The following GCH1 variants were observed in gnomAD, a reference collection of about 807,000 sequenced individuals.
GCH1 encodes the protein GTP cyclohydrolase 1, also known as GTP cyclohydrolase I.
In GCH1, 5 loss-of-function variants were observed where a neutral mutation model predicts 25.9. That is an observed-to-expected ratio of 0.19 (90% CI 0.10 to 0.41). The LOEUF (loss-of-function observed/expected upper bound fraction) is 0.41, where lower values mean the gene tolerates loss of function less well. GCH1 is among the 10% of genes least tolerant of loss of function. GCH1 has a pLI of 1.00. For missense variants in GCH1, 261 were observed against 336.5 expected (o/e 0.78, Z 1.75); for synonymous variants, 159 against 129.6 (o/e 1.23, Z -1.54).
intron 2 of GCH1, among the ~76,000 whole-genome samples, chr14:54,863,880 T>C (rs977014792): frequency 6.6e-6 from 1 of 150,506 alleles, no homozygotes; most frequent in Non-Finnish European, 1.5e-5. Flanking sequence ...TGACAGGGTC[T>C]GGCAGTCTGG....
At chr14:54,880,277 A>G in intron 1 of GCH1, among the ~76,000 whole-genome samples, 1 of 148,998 alleles carries the variant, frequency 6.7e-6, no homozygotes, top group Admixed American at 6.8e-5. Context: ...CAAAATACTA[A>G]GATTTGTCAA....
chr14:54,843,032 G>A lies in GCH1; in HGVS notation c.*985C>T, dbSNP rs556250070. The A allele has an allele frequency of 3.6e-5, 32 of 888,400 alleles. No individual in the cohort carries two copies. The highest frequency in any genetic ancestry group is 1.1e-4 in the South Asian group (8 of 75,576). The allele number at this position is 888,400 out of a possible 1,614,324, so 55.0% of individuals were successfully genotyped here. A position where few individuals can be genotyped will look rare whatever the true frequency, so the allele number is the denominator to read the frequency against. ...GTTCATTCTGTGCTCGTTCAGGTGC[G>A]TGGAAGCTATGGTTCTGCAGACCTG... is the stretch of plus-strand genomic sequence containing the variant. On this transcript the variant is annotated 3_prime_UTR_variant, in exon 6 of 6. Transcript: ENST00000491895.
At chr14:54,867,589 C>CAAAAAAAAAAAAAAAAA (rs1029899399) in intron 1 of GCH1, among the ~76,000 whole-genome samples, 4 of 46,648 alleles carry the variant, frequency 8.6e-5, no homozygotes, top group Non-Finnish European at 1.6e-4. Flanking sequence ...GACTCCGTCT[C>CAAAAAAAAAAAAAAAAA]AAAAAAAAAA....
At chr14:54,874,879 G>A (rs1163554625) in intron 1 of GCH1, among the ~76,000 whole-genome samples, 1 of 152,182 alleles carries the variant, frequency 6.6e-6, no homozygotes. Context: ...ATGCTCATGG[G>A]TGGGAAGAAT....
chr14:54,879,953 C>A (rs28757745), intron 1 of GCH1, among the ~76,000 whole-genome samples: 30,270 of 140,516 alleles, frequency 0.22, 4,521 homozygotes, highest in East Asian at 0.43. Flanking sequence ...CCACAGCACT[C>A]CAGCCTGGGT....
At chr14:54,880,566 CTCCATATATATATACTCCATATATATAT>C in intron 1 of GCH1, among the ~76,000 whole-genome samples, 1 of 51,396 alleles carries the variant, frequency 1.9e-5, no homozygotes, top group African/African-American at 1.2e-4. Context: ...TATATATATA[CTCCATATATATATACTCCATATATATAT>C]ACTCCATATA....
Position 54,902,324 on chromosome 14 carries a change from A to G in GCH1, c.340T>C (p.Ser114Pro). Residue 114 changes from serine to proline, a missense_variant, in exon 1 of 6, where the codon TCA (serine) becomes CCA (proline). Ser to Pro is a moderately conservative substitution (Grantham distance 74, BLOSUM62 -1). Transcript: ENST00000491895. The stretch of plus-strand genomic sequence containing the variant: ...AGCAGCCCGCGGGCGCACTGACCTG[A>G]GATGGTCTCCTGGTAGCCCTTGGTG... ...FFTKGYQETI[S>P]DVLNDAIFDE... 6.2e-7 allele frequency: 1 copy of G among 1,612,242 alleles called. No individual in the cohort carries two copies. Among genetic ancestry groups the G allele is most frequent in the South Asian group, 1.1e-5 (1 of 91,036 alleles).
At chr14:54,859,016 G>A (rs146954144) in intron 3 of GCH1, among the ~76,000 whole-genome samples, 2 of 152,364 alleles carry the variant, frequency 1.3e-5, no homozygotes, top group African/African-American at 2.4e-5. Context: ...AAATGAGAGC[G>A]AGGAGCGTGA....
chr14:54,863,390 C>T (rs1319268669), intron 2 of GCH1, among the ~76,000 whole-genome samples: 1 of 119,506 alleles, frequency 8.4e-6, no homozygotes, highest in Non-Finnish European at 1.6e-5. Flanking sequence ...CCACTGCAAT[C>T]TAGCCTGGGC....
intron 3 of GCH1, among the ~76,000 whole-genome samples, chr14:54,852,037 G>A (rs557098422): frequency 1.3e-4 from 20 of 152,240 alleles, no homozygotes; most frequent in Non-Finnish European, 2.8e-4. Flanking sequence ...TGATCTGCCC[G>A]CCTTGGCCTC....
At chr14:54,875,993 T>C (rs1174620103) in intron 1 of GCH1, among the ~76,000 whole-genome samples, 2 of 152,166 alleles carry the variant, frequency 1.3e-5, no homozygotes, top group African/African-American at 2.4e-5. Context: ...CATCCCATTA[T>C]TGGGTATATA....
chr14:54,863,893 C>T (rs1052906658), intron 2 of GCH1, among the ~76,000 whole-genome samples: 38 of 150,742 alleles, frequency 2.5e-4, no homozygotes, highest in African/African-American at 9.4e-4. Flanking sequence ...CAGTCTGGCT[C>T]TGTTGCCCAG....
intron 3 of GCH1, among the ~76,000 whole-genome samples, chr14:54,849,171 A>T (rs183525284): frequency 7.0e-4 from 106 of 152,348 alleles, no homozygotes; most frequent in African/African-American, 2.4e-3. Flanking sequence ...ACATTCCCAT[A>T]GATTTTTACT....
chr14:54,863,912 A>G (rs2140072111), intron 2 of GCH1, among the ~76,000 whole-genome samples: 1 of 152,116 alleles, frequency 6.6e-6, no homozygotes, highest in South Asian at 2.1e-4. Context: ...AGGCTAGGAT[A>G]TAGTGGCGCA....
chr14:54,870,335 CAAAAAAAAAAAA>C (rs561453897), intron 1 of GCH1, among the ~76,000 whole-genome samples: 1 of 66,598 alleles, frequency 1.5e-5, no homozygotes, highest in African/African-American at 6.1e-5. Context: ...CTGTTTTTAC[CAAAAAAAAAAAA>C]AAAAAAAAAA....
chr14:54,891,083 T>C (rs1001461423), intron 1 of GCH1, among the ~76,000 whole-genome samples: 13 of 150,938 alleles, frequency 8.6e-5, no homozygotes, highest in East Asian at 1.9e-4. Context: ...ACTCCAGAAA[T>C]AGACAATTCA....
At chr14:54,845,014 A>T (rs1594969126) in intron 5 of GCH1, among the ~76,000 whole-genome samples, 2 of 152,098 alleles carry the variant, frequency 1.3e-5, no homozygotes, top group South Asian at 2.1e-4. Flanking sequence ...ATCTCTACTA[A>T]ATACGAAAAT....
chr14:54,893,303 C>T (rs973010677), intron 1 of GCH1, among the ~76,000 whole-genome samples: 6 of 152,216 alleles, frequency 3.9e-5, no homozygotes, highest in Admixed American at 3.9e-4. Flanking sequence ...TCACATAATC[C>T]AGGATTCATA....
At chr14:54,892,992 T>C (rs981545779) in intron 1 of GCH1, among the ~76,000 whole-genome samples, 1 of 152,042 alleles carries the variant, frequency 6.6e-6, no homozygotes, top group Non-Finnish European at 1.5e-5. Context: ...GGCAGGGTAA[T>C]TGCTTGAACC....
Sources: gnomAD v4.1 joint callset for allele counts (sites outside exome capture counted in the v4.1 genomes callset) on GRCh38, gnomAD v4.1.1 for gene constraint, MANE v1.5 for transcripts, NCBI Gene and HGNC (gene_info 2026-07-23, HGNC 2026-07-21) for gene names.